FAM162B: variants seen among roughly 807,000 people sequenced by gnomAD.
FAM162B encodes the protein protein FAM162B.
In FAM162B, 16 loss-of-function variants were observed where a neutral mutation model predicts 20.0. That is an observed-to-expected ratio of 0.80 (90% CI 0.54 to 1.21). The LOEUF is 1.21. Among genes scored for constraint, FAM162B ranks in the 50% most tolerant of loss-of-function variants. The pLI is 0.00. For missense variants in FAM162B, 260 were observed against 227.5 expected, an observed-to-expected ratio of 1.14 and a Z score of -0.92; for synonymous variants, 83 against 89.7, an observed-to-expected ratio of 0.93 and a Z score of 0.42.
chr6:116,760,761 GA>G (rs1243953819), intron 3 of FAM162B, among the ~76,000 whole-genome samples: 4 of 152,148 alleles, frequency 2.6e-5, no homozygotes, highest in African/African-American at 9.7e-5. Flanking sequence ...TCAAAGCATA[GA>G]TTTTTTCCAT....
intron 2 of FAM162B, among the ~76,000 whole-genome samples, chr6:116,764,495 A>T (rs988418308): frequency 6.6e-6 from 1 of 152,006 alleles, no homozygotes; most frequent in Admixed American, 6.5e-5. Flanking sequence ...ACATTACCTT[A>T]GAGGGGGAGT....
Position 116,765,569 on chromosome 6 carries a change from C to G in FAM162B, c.8G>C (p.Arg3Thr). The G allele has an allele frequency of 1.5e-6, 2 of 1,351,892 alleles. No individual in the cohort carries two copies. The highest frequency in any genetic ancestry group is 6.0e-5 in the East Asian group (2 of 33,106). 83.7% of individuals were successfully genotyped at this position (1,351,892 alleles called of 1,614,324 possible). ...AAGGCGCAGTAGGCTCCCGACCGCC[C>G]TGAGCATGCTGCCCGCTTGTCCCGC... ML[R>T]AVGSLLRLGR... Residue 3 changes from arginine (R) to threonine (T), a missense_variant, in exon 1 of 4, where the codon AGG (arginine) becomes ACG (threonine). Arg to Thr is a moderately conservative substitution (Grantham distance 71, BLOSUM62 -1). Transcript: ENST00000368557.
Position 116,762,097 on chromosome 6 carries a change from T to A in FAM162B, c.282-12A>T, listed in dbSNP as rs749386843. ...CTATCATTTCTGGCCTAAACAAAGATGTGTATTTTGTTAAATATGTAAAAG... is the reference window on the plus strand; with the variant it reads ...CTATCATTTCTGGCCTAAACAAAGAAGTGTATTTTGTTAAATATGTAAAAG... On this transcript the variant is annotated splice_polypyrimidine_tract_variant and intron_variant, in intron 2 of 3. Coordinates refer to ENST00000368557, the MANE Select transcript of FAM162B (RefSeq NM_001085480.3). 5.9e-6 allele frequency: 9 copies of A among 1,532,126 alleles called. No homozygotes were observed. In the South Asian group the frequency reaches 1.1e-4, roughly 19 times the overall value. The allele number at this position is 1,532,126 out of a possible 1,614,324, so 94.9% of individuals were successfully genotyped here. A position where few individuals can be genotyped will look rare whatever the true frequency, so the allele number is the denominator to read the frequency against.
rs771509766 is a variant in FAM162B, at chr6:116,762,099, T to A, written c.282-14A>T. On this transcript the variant is annotated splice_polypyrimidine_tract_variant and intron_variant, in intron 2 of 3. Transcript: ENST00000368557. ...ATCATTTCTGGCCTAAACAAAGATG[T>A]GTATTTTGTTAAATATGTAAAAGTA... is the stretch of plus-strand genomic sequence containing the variant. 1 of 1,528,582 alleles carries A rather than the reference T, an allele frequency of 6.5e-7. No homozygotes were observed. Among genetic ancestry groups the A allele is most frequent in the South Asian group, 1.2e-5 (1 of 80,488 alleles). 94.7% of individuals were successfully genotyped at this position (1,528,582 alleles called of 1,614,324 possible).
Position 116,752,554 on chromosome 6 carries a change from T to G in FAM162B, c.*43A>C, listed in dbSNP as rs202117972. On this transcript the variant is annotated 3_prime_UTR_variant, in exon 4 of 4. Transcript: ENST00000368557. ...TTTTCCCATCTTCTACTGTTGCTGA[T>G]GACAGGGATGGTATTCAGGTGAACA... 4.3e-5 allele frequency: 47 copies of G among 1,082,870 alleles called. No homozygotes were observed. Among genetic ancestry groups the G allele is most frequent in the Middle Eastern group, 2.1e-4 (1 of 4,680 alleles). 67.1% of individuals were successfully genotyped at this position (1,082,870 alleles called of 1,614,324 possible).
intron 2 of FAM162B, among the ~76,000 whole-genome samples, chr6:116,764,878 G>A (rs891567602): frequency 2.0e-5 from 3 of 152,170 alleles, no homozygotes; most frequent in Admixed American, 1.3e-4. Flanking sequence ...GCTGGGGACC[G>A]GCAATCTGGG....
At chr6:116,764,669 A>C (rs988318830) in intron 2 of FAM162B, among the ~76,000 whole-genome samples, 2 of 151,668 alleles carry the variant, frequency 1.3e-5, no homozygotes, top group Non-Finnish European at 2.9e-5. Flanking sequence ...GGCCGCATGG[A>C]TGCGTCTTTT....
Position 116,765,633 on chromosome 6 carries a change from C to A in FAM162B, c.-57G>T. The stretch of plus-strand genomic sequence containing the variant: ...CTCCGGACCCAGCCACAGGCGTTGT[C>A]CCCGCAGCTCTCCTCGTCCCGCCCC... On this transcript the variant is annotated 5_prime_UTR_variant, in exon 1 of 4. Transcript: ENST00000368557. The A allele has an allele frequency of 7.9e-7, 1 of 1,263,310 alleles. No homozygotes were observed. Among genetic ancestry groups the A allele is most frequent in the South Asian group, 3.3e-5 (1 of 30,276 alleles). The allele number at this position is 1,263,310 out of a possible 1,614,324, so 78.3% of individuals were successfully genotyped here. A position where few individuals can be genotyped will look rare whatever the true frequency, so the allele number is the denominator to read the frequency against.
intron 3 of FAM162B, among the ~76,000 whole-genome samples, chr6:116,757,350 G>A (rs928037537): frequency 2.6e-5 from 4 of 152,102 alleles, no homozygotes; most frequent in Admixed American, 2.6e-4. Context: ...CATTTCAGTT[G>A]TATTGTTACT....
At chr6:116,756,846 C>T (rs112921902) in intron 3 of FAM162B, among the ~76,000 whole-genome samples, 11 of 152,202 alleles carry the variant, frequency 7.2e-5, no homozygotes, top group African/African-American at 2.2e-4. Flanking sequence ...AAAAAATTTG[C>T]GTGTCTCAGT....
intron 2 of FAM162B, 36 bp downstream of exon 2, chr6:116,765,111 A>G: frequency 6.2e-7 from 1 of 1,602,308 alleles, no homozygotes. Context: ...GCGGCCGGGG[A>G]CCGACTCTCC....
At chr6:116,762,267 C>G (rs1379945000) in intron 2 of FAM162B, among the ~76,000 whole-genome samples, 182 bp from the exon 3 acceptor site, 1 of 152,120 alleles carries the variant, frequency 6.6e-6, no homozygotes, top group Admixed American at 6.5e-5. Context: ...TTCAAATTAA[C>G]AAGTATTTAT....
chr6:116,762,006 A>C lies in FAM162B; in HGVS notation c.361T>G (p.Cys121Gly). The C allele has an allele frequency of 6.2e-7, 1 of 1,602,782 alleles. No individual in the cohort carries two copies. The change falls in exon 3 of 4, where the codon TGC becomes GGC. Residue 121 changes from cysteine (C) to glycine (G), a missense_variant. Cys to Gly is a radical substitution (Grantham distance 159, BLOSUM62 -3). Coordinates refer to ENST00000368557, the MANE Select transcript of FAM162B (RefSeq NM_001085480.3). ...YIMIGLTIIA[C>G]FAVIVSAKRA... ...TTGGCTGACACTATCACAGCAAAGC[A>C]GGCGATAATTGTGAGTCCAATCATT...
intron 3 of FAM162B, among the ~76,000 whole-genome samples, chr6:116,759,434 G>C (rs1780107841): frequency 6.6e-6 from 1 of 150,484 alleles, no homozygotes. Flanking sequence ...CCGAGTAGCT[G>C]GGACTGCAGG....
In FAM162B at chr6:116,765,177, T is replaced by C. The variant is rs200657943; in HGVS notation, c.251A>G (p.Lys84Arg). ...KKILLWTGRF[K>R]SMEEIPPRIP... is the part of the protein sequence containing the mutation. ...CCGAGGCGGGATCTCCTCCATCGAT[T>C]TGAAACGCCCTGTCCACAGCAGGAT... Residue 84 changes from lysine (K) to arginine (R), a missense_variant, in exon 2 of 4, where the codon AAA becomes AGA. Coordinates refer to ENST00000368557, the MANE Select transcript of FAM162B (RefSeq NM_001085480.3). The C allele has an allele frequency of 1.4e-4, 219 of 1,613,750 alleles. No individual in the cohort carries two copies. Among genetic ancestry groups the C allele is most frequent in the Non-Finnish European group, 1.8e-4 (211 of 1,179,966 alleles).
At chr6:116,753,087 CT>C (rs1780011144) in intron 3 of FAM162B, among the ~76,000 whole-genome samples, 1 of 152,006 alleles carries the variant, frequency 6.6e-6, no homozygotes, top group Non-Finnish European at 1.5e-5. Context: ...TTTGTTCCCC[CT>C]GCCTACCAGT....
chr6:116,765,096 C>T (rs1334341632), intron 2 of FAM162B, 51 bp downstream of exon 2: 1 of 1,584,978 alleles, frequency 6.3e-7, no homozygotes, highest in South Asian at 1.1e-5. Flanking sequence ...TCACCCCGCA[C>T]CCTTGCGGCC....
chr6:116,758,802 A>G (rs1008228107), intron 3 of FAM162B, among the ~76,000 whole-genome samples: 8 of 152,162 alleles, frequency 5.3e-5, no homozygotes, highest in African/African-American at 1.9e-4. Context: ...TTCTCCACTC[A>G]TATACAGAGT....
intron 3 of FAM162B, among the ~76,000 whole-genome samples, chr6:116,754,658 T>C (rs1386538315): frequency 1.3e-5 from 2 of 151,720 alleles, no homozygotes; most frequent in African/African-American, 2.4e-5. Flanking sequence ...CATTTTATTG[T>C]GCTTTGCTTT....
Sources: allele counts gnomAD v4.1 joint callset (sites outside exome capture counted in the v4.1 genomes callset), GRCh38; gene constraint gnomAD v4.1.1; transcripts MANE v1.5; gene names NCBI Gene and HGNC (gene_info 2026-07-23, HGNC 2026-07-21).